The following CACNA2D3 variants were observed in gnomAD, a reference collection of about 807,000 sequenced individuals.
The protein encoded by CACNA2D3 is voltage-dependent calcium channel subunit alpha-2/delta-3.
In CACNA2D3, 60 loss-of-function variants were observed where a neutral mutation model predicts 160.6. The observed-to-expected ratio is 0.37, with a 90% CI of 0.30 to 0.46. CACNA2D3 has a LOEUF of 0.46. Ranked by LOEUF, CACNA2D3 falls within the 20% of genes least tolerant of loss-of-function variation. The probability of loss-of-function intolerance (pLI) is 1.00; values close to 1 mark genes in which losing one functional copy is unlikely to be tolerated. For missense variants in CACNA2D3, 1,205 were observed against 1,365.0 expected, an observed-to-expected ratio of 0.88 and a Z score of 1.85; for synonymous variants, 558 against 492.9, an observed-to-expected ratio of 1.13 and a Z score of -1.75.
chr3:54,779,549 T>G (rs565820855), intron 13 of CACNA2D3, among the ~76,000 whole-genome samples: 16 of 152,338 alleles, frequency 1.1e-4, no homozygotes, highest in Admixed American at 6.5e-4. Flanking sequence ...CTTACCATGG[T>G]CAATAGTGCC....
intron 2 of CACNA2D3, among the ~76,000 whole-genome samples, chr3:54,142,666 C>T (rs1203348357): frequency 6.6e-6 from 1 of 152,078 alleles, no homozygotes; most frequent in Non-Finnish European, 1.5e-5. Flanking sequence ...ATTCAGAATA[C>T]CTAAGACATA....
chr3:54,671,322 AG>A (rs1367638396), intron 11 of CACNA2D3, among the ~76,000 whole-genome samples: 1 of 151,910 alleles, frequency 6.6e-6, no homozygotes, highest in Non-Finnish European at 1.5e-5. Flanking sequence ...GCAGGGCTGA[AG>A]GGGAGCTTCA....
chr3:54,193,834 A>G (rs779451773), intron 2 of CACNA2D3, among the ~76,000 whole-genome samples: 11 of 152,182 alleles, frequency 7.2e-5, no homozygotes, highest in Non-Finnish European at 1.5e-4. Context: ...CTTATGGACC[A>G]TGTGGCAGTG....
At chr3:54,911,796 C>T (rs1312013690) in intron 27 of CACNA2D3, among the ~76,000 whole-genome samples, 2 of 152,206 alleles carry the variant, frequency 1.3e-5, no homozygotes, top group Non-Finnish European at 2.9e-5. Flanking sequence ...ATCCAAAACT[C>T]TCTATTGACT....
At chr3:54,784,212 G>C (rs1275657632) in intron 13 of CACNA2D3, among the ~76,000 whole-genome samples, 5 of 152,196 alleles carry the variant, frequency 3.3e-5, no homozygotes. Context: ...GGCAGGCCAG[G>C]GCAGAGAGGT....
intron 16 of CACNA2D3, among the ~76,000 whole-genome samples, chr3:54,842,812 G>C (rs1249108906): frequency 6.6e-6 from 1 of 151,484 alleles, no homozygotes; most frequent in East Asian, 1.9e-4. Flanking sequence ...TGTTCACCAG[G>C]CTGGTCTTGA....
At chr3:54,441,665 G>A (rs1010440325) in intron 4 of CACNA2D3, among the ~76,000 whole-genome samples, 3 of 152,090 alleles carry the variant, frequency 2.0e-5, no homozygotes, top group African/African-American at 4.8e-5. Context: ...ATTAATTTTT[G>A]TATAAGGTGT....
intron 25 of CACNA2D3, among the ~76,000 whole-genome samples, chr3:54,893,700 C>A (rs77114421): frequency 0.081 from 12,336 of 152,176 alleles, 580 homozygotes; most frequent in South Asian, 0.14. Context: ...GTCTCCTACA[C>A]TGAGATTTCA....
intron 8 of CACNA2D3, among the ~76,000 whole-genome samples, chr3:54,580,876 A>G (rs1320651943): frequency 6.6e-6 from 1 of 152,216 alleles, no homozygotes; most frequent in African/African-American, 2.4e-5. Flanking sequence ...TGCCAGAGCG[A>G]GAGCTCAAAG....
intron 14 of CACNA2D3, among the ~76,000 whole-genome samples, chr3:54,821,656 C>CTTT (rs1306471910): frequency 1.3e-5 from 1 of 77,998 alleles, no homozygotes; most frequent in Non-Finnish European, 3.1e-5. Flanking sequence ...TTCTTTCTTT[C>CTTT]TTTCTTTCTT....
intron 35 of CACNA2D3, among the ~76,000 whole-genome samples, chr3:55,036,424 C>G (rs1162771635): frequency 6.6e-6 from 1 of 151,878 alleles, no homozygotes; most frequent in East Asian, 1.9e-4. Flanking sequence ...ACACACAAAA[C>G]CCTTGTGTTT....
intron 34 of CACNA2D3, among the ~76,000 whole-genome samples, chr3:55,012,074 C>A (rs778839062): frequency 3.6e-4 from 55 of 152,212 alleles, no homozygotes; most frequent in Non-Finnish European, 6.3e-4. Context: ...GAGGCCGGAG[C>A]GGCTTTGGAA....
intron 11 of CACNA2D3, among the ~76,000 whole-genome samples, chr3:54,694,345 G>A (rs1700623248): frequency 6.6e-6 from 1 of 152,208 alleles, no homozygotes; most frequent in African/African-American, 2.4e-5. Flanking sequence ...CTCTAGGTGT[G>A]TGTAAATACA....
chr3:54,669,584 T>A (rs988089094), intron 11 of CACNA2D3, among the ~76,000 whole-genome samples: 10 of 152,292 alleles, frequency 6.6e-5, no homozygotes, highest in African/African-American at 2.2e-4. Context: ...TAATTTTTTG[T>A]TCTATATTTA....
chr3:54,515,197 T>TGAGAGA (rs1406976766), intron 5 of CACNA2D3, among the ~76,000 whole-genome samples: 4 of 137,674 alleles, frequency 2.9e-5, no homozygotes, highest in African/African-American at 1.2e-4. Flanking sequence ...TGTGTGTGTG[T>TGAGAGA]GTGAGAGAGA....
intron 3 of CACNA2D3, among the ~76,000 whole-genome samples, chr3:54,369,845 AG>A (rs1698893075): frequency 6.6e-6 from 1 of 152,208 alleles, no homozygotes. Flanking sequence ...AAATTGCATT[AG>A]GCATAGTTAT....
At chr3:54,848,457 C>T (rs976783449) in intron 17 of CACNA2D3, among the ~76,000 whole-genome samples, 2 of 152,178 alleles carry the variant, frequency 1.3e-5, no homozygotes, top group Non-Finnish European at 2.9e-5. Flanking sequence ...TTTGTGAGAA[C>T]CCAAACCATA....
At chr3:54,459,740 G>C (rs1431687772) in intron 4 of CACNA2D3, among the ~76,000 whole-genome samples, 2 of 152,096 alleles carry the variant, frequency 1.3e-5, no homozygotes, top group Non-Finnish European at 2.9e-5. Context: ...CACTCTGATG[G>C]TAGTTTCTTT....
At chr3:54,171,335 A>C (rs561174720) in intron 2 of CACNA2D3, among the ~76,000 whole-genome samples, 11 of 151,790 alleles carry the variant, frequency 7.2e-5, no homozygotes, top group Non-Finnish European at 1.5e-4. Flanking sequence ...CAGGCCCTGC[A>C]GTCTTCGTGG....
Sources: allele counts gnomAD v4.1 joint callset (sites outside exome capture counted in the v4.1 genomes callset), GRCh38; gene constraint gnomAD v4.1.1; transcripts MANE v1.5; gene names NCBI Gene and HGNC (gene_info 2026-07-23, HGNC 2026-07-21).